Variants in EEF1AKMT2 observed in about 807,000 individuals in gnomAD.
The protein encoded by EEF1AKMT2 is EEF1A lysine methyltransferase 2.
EEF1AKMT2 carries 32 observed loss-of-function variants against 35.8 expected under a neutral mutation model. The ratio of observed to expected loss-of-function variants is 0.89; its 90% CI spans 0.67 to 1.20. The LOEUF is 1.20. Among genes scored for constraint, EEF1AKMT2 ranks in the 50% most tolerant of loss-of-function variants. EEF1AKMT2 has a pLI of 0.00. For missense variants in EEF1AKMT2, 330 were observed against 347.5 expected (o/e 0.95, Z 0.40); for synonymous variants, 121 against 133.7 (o/e 0.91, Z 0.65).
chr10:124,758,767 A>G lies in EEF1AKMT2; in HGVS notation c.*1736T>C, dbSNP rs1200673422. On this transcript the variant is annotated 3_prime_UTR_variant, in exon 7 of 7. Coordinates refer to ENST00000368836, the MANE Select transcript of EEF1AKMT2 (RefSeq NM_212554.4). ...TAATGTGAAAAAAAACAAAGACCCGATCTCAAAAACTATAAAAGTTTCTAC... is the reference window on the plus strand; with the variant it reads ...TAATGTGAAAAAAAACAAAGACCCGGTCTCAAAAACTATAAAAGTTTCTAC... 1 of 152,186 alleles carries G rather than the reference A, an allele frequency of 6.6e-6. No individual in the cohort carries two copies. The highest frequency in any genetic ancestry group is 1.5e-5 in the Non-Finnish European group (1 of 68,024). The allele number at this position is 152,186 out of a possible 1,614,324, so 9.4% of individuals were successfully genotyped here. A position where few individuals can be genotyped will look rare whatever the true frequency, so the allele number is the denominator to read the frequency against.
chr10:124,787,598 G>C lies in EEF1AKMT2; in HGVS notation c.291+1445C>G, dbSNP rs567038486. ...TACTTTTAAAAAGGAAGGAGGGCCA[G>C]CCTGGGCAACATAGTGAAACCTTGT... On this transcript the variant is annotated intron_variant, in intron 3 of 6. Transcript: ENST00000368836. 4.6e-5 allele frequency among the ~76,000 whole-genome samples: 7 copies of C among 152,142 alleles called. No homozygotes were observed. The South Asian group carries it at 1.5e-3, about 32-fold the overall frequency.
intron 4 of EEF1AKMT2, among the ~76,000 whole-genome samples, chr10:124,771,095 T>C (rs1192122108): frequency 2.0e-5 from 3 of 151,544 alleles, no homozygotes; most frequent in Admixed American, 2.0e-4. Flanking sequence ...TCCAGAAGGT[T>C]TTCTTTTTTC....
At position 124,760,278 on chromosome 10, in the gene EEF1AKMT2, C is replaced by T. The variant is rs1950319408; in HGVS notation, c.*225G>A. On this transcript the variant is annotated 3_prime_UTR_variant, in exon 7 of 7. Coordinates refer to ENST00000368836, the MANE Select transcript of EEF1AKMT2 (RefSeq NM_212554.4). Reference sequence around the variant, plus strand: ...ATTATTATTATTTTCTTTCACCAATCCAGTATACTCTATTCAACATGTGCA... The same window carrying T: ...ATTATTATTATTTTCTTTCACCAATTCAGTATACTCTATTCAACATGTGCA... 2.0e-6 allele frequency: 1 copy of T among 507,038 alleles called. No individual in the cohort carries two copies. Among genetic ancestry groups the T allele is most frequent in the East Asian group, 2.9e-5 (1 of 34,010 alleles). The allele number at this position is 507,038 out of a possible 1,614,324, so 31.4% of individuals were successfully genotyped here. A position where few individuals can be genotyped will look rare whatever the true frequency, so the allele number is the denominator to read the frequency against.
Position 124,759,549 on chromosome 10 carries a change from A to C in EEF1AKMT2, c.*954T>G, listed in dbSNP as rs1188965878. On this transcript the variant is annotated 3_prime_UTR_variant, in exon 7 of 7. Transcript: ENST00000368836. Reference sequence around the variant, plus strand: ...AAAGACTAAGCACCTGTGAGGCAGAATATGCTAGGAGAAGAGTATGTGTTT... The same window carrying C: ...AAAGACTAAGCACCTGTGAGGCAGACTATGCTAGGAGAAGAGTATGTGTTT... The C allele has an allele frequency of 6.6e-6, 1 of 152,242 alleles. No individual in the cohort carries two copies. Among genetic ancestry groups the C allele is most frequent in the African/African-American group, 2.4e-5 (1 of 41,468 alleles). 9.4% of individuals were successfully genotyped at this position (152,242 alleles called of 1,614,324 possible). A position where few individuals can be genotyped will look rare whatever the true frequency, so the allele number is the denominator to read the frequency against.
chr10:124,777,520 AT>A (rs113188210), intron 3 of EEF1AKMT2, among the ~76,000 whole-genome samples: 724 of 140,306 alleles, frequency 5.2e-3, no homozygotes, highest in Admixed American at 4.9e-3. Context: ...GTACCTAAAG[AT>A]TTTTTTTTTT....
chr10:124,771,186 G>A (rs11245363), intron 4 of EEF1AKMT2, among the ~76,000 whole-genome samples: 13,542 of 151,214 alleles, frequency 0.09, 851 homozygotes, highest in Non-Finnish European at 0.13. Flanking sequence ...TGCAAGCTCC[G>A]CCTCCCAGGT....
chr10:124,783,913 C>A (rs1950563879), intron 3 of EEF1AKMT2, among the ~76,000 whole-genome samples: 1 of 152,208 alleles, frequency 6.6e-6, no homozygotes, highest in Admixed American at 6.5e-5. Flanking sequence ...CAACCTCCGC[C>A]TCCCAGGTTC....
chr10:124,770,942 A>G (rs1950427615), intron 4 of EEF1AKMT2, among the ~76,000 whole-genome samples: 1 of 152,156 alleles, frequency 6.6e-6, no homozygotes, highest in African/African-American at 2.4e-5. Flanking sequence ...TTTGCAGTTA[A>G]TTCCTCCATT....
At chr10:124,787,367 A>C (rs1358300231) in intron 3 of EEF1AKMT2, among the ~76,000 whole-genome samples, 1 of 134,292 alleles carries the variant, frequency 7.4e-6, no homozygotes, top group Non-Finnish European at 1.5e-5. Flanking sequence ...CAGGTGGTGA[A>C]GGTTGCAGTG....
rs1950318602 is a variant in EEF1AKMT2, at chr10:124,760,197, A to G, written c.*306T>C. The G allele has an allele frequency of 2.4e-6, 1 of 412,198 alleles. No individual in the cohort carries two copies. The highest frequency in any genetic ancestry group is 4.3e-6 in the Non-Finnish European group (1 of 233,218). 25.5% of individuals were successfully genotyped at this position (412,198 alleles called of 1,614,324 possible). ...GAAAACTATTTACATTTCAAATACAAAAGAAAATTAAAATTATTCTTGATT... is the reference window on the plus strand; with the variant it reads ...GAAAACTATTTACATTTCAAATACAGAAGAAAATTAAAATTATTCTTGATT... On this transcript the variant is annotated 3_prime_UTR_variant, in exon 7 of 7. Transcript: ENST00000368836.
chr10:124,767,511 C>CAAAA (rs1193595891), intron 4 of EEF1AKMT2, among the ~76,000 whole-genome samples: 1 of 60,118 alleles, frequency 1.7e-5, no homozygotes, highest in Admixed American at 2.0e-4. Context: ...GACACTGCCT[C>CAAAA]AAAAAAAAAA....
At chr10:124,762,635 T>C (rs1950342510) in intron 5 of EEF1AKMT2, 77 bp from the exon 6 acceptor site, 1 of 774,852 alleles carries the variant, frequency 1.3e-6, no homozygotes, top group Non-Finnish European at 1.6e-6. Flanking sequence ...TGGTCTATCA[T>C]ACTATTTCAT....
chr10:124,764,673 T>A lies in EEF1AKMT2; in HGVS notation c.616+719A>T, dbSNP rs565784234. 5.9e-5 allele frequency among the ~76,000 whole-genome samples: 9 copies of A among 152,344 alleles called. No individual in the cohort carries two copies. The East Asian group carries it at 1.7e-3, about 29-fold the overall frequency. The stretch of plus-strand genomic sequence containing the variant: ...TCTGAAACCAAGAACTGTTCTATCA[T>A]CTCTGAAGACCTAAATGACCGCTAG... On this transcript the variant is annotated intron_variant, in intron 5 of 6. Coordinates refer to ENST00000368836, the MANE Select transcript of EEF1AKMT2 (RefSeq NM_212554.4).
intron 3 of EEF1AKMT2, among the ~76,000 whole-genome samples, chr10:124,788,178 A>T (rs1353690779): frequency 4.6e-5 from 7 of 152,082 alleles, no homozygotes; most frequent in African/African-American, 1.7e-4. Context: ...CATTAGTTGA[A>T]ATCTTCTCCC....
intron 3 of EEF1AKMT2, among the ~76,000 whole-genome samples, chr10:124,780,715 C>A (rs1287724617): frequency 6.6e-6 from 1 of 150,432 alleles, no homozygotes; most frequent in African/African-American, 2.4e-5. Context: ...CTAGAAATAT[C>A]GCAAATCTGG....
chr10:124,772,243 C>T (rs1017547690), intron 4 of EEF1AKMT2, among the ~76,000 whole-genome samples: 1 of 152,066 alleles, frequency 6.6e-6, no homozygotes, highest in Non-Finnish European at 1.5e-5. Context: ...TATGTAACTC[C>T]TACATGGCAT....
intron 4 of EEF1AKMT2, among the ~76,000 whole-genome samples, chr10:124,768,190 C>G (rs778789923): frequency 1.1e-4 from 16 of 152,012 alleles, no homozygotes; most frequent in African/African-American, 3.6e-4. Flanking sequence ...TGATGATAAA[C>G]GAGGAAGAAG....
intron 4 of EEF1AKMT2, among the ~76,000 whole-genome samples, chr10:124,773,437 G>A (rs1360351898): frequency 6.6e-6 from 1 of 151,914 alleles, no homozygotes; most frequent in Non-Finnish European, 1.5e-5. Flanking sequence ...TCACCATGCT[G>A]GCCAGGCTAG....
intron 5 of EEF1AKMT2, among the ~76,000 whole-genome samples, chr10:124,764,817 AAT>A (rs1950363257): frequency 1.3e-5 from 2 of 152,236 alleles, no homozygotes; most frequent in African/African-American, 4.8e-5. Context: ...CCAGAAGCAC[AAT>A]ATATGTGCTT....
Sources: allele counts gnomAD v4.1 joint callset (sites outside exome capture counted in the v4.1 genomes callset), GRCh38; gene constraint gnomAD v4.1.1; transcripts MANE v1.5; gene names NCBI Gene and HGNC (gene_info 2026-07-23, HGNC 2026-07-21).